Variants in FAM13C observed in about 807,000 individuals in gnomAD.
FAM13C encodes protein FAM13C.
FAM13C carries 37 observed loss-of-function variants against 73.2 expected under a neutral mutation model. That is an observed-to-expected ratio of 0.51 (90% confidence interval 0.39 to 0.67). The LOEUF (loss-of-function observed/expected upper bound fraction) is 0.67. Among genes scored for constraint, FAM13C ranks in the 30% least tolerant of loss-of-function variants. The pLI, the probability that FAM13C is intolerant of heterozygous loss-of-function variation, is 0.00. For missense variants in FAM13C, 589 were observed against 715.6 expected (o/e 0.82, Z 2.02); for synonymous variants, 246 against 260.9 (o/e 0.94, Z 0.55).
chr10:59,257,419 C>T (rs889599504), intron 10 of FAM13C, among the ~76,000 whole-genome samples: 1 of 152,194 alleles, frequency 6.6e-6, no homozygotes, highest in Non-Finnish European at 1.5e-5. Flanking sequence ...ACCTTGTTTT[C>T]CTTTCCCGCA....
chr10:59,361,102 C>T, intron 1 of FAM13C: 1 of 1,289,274 alleles, frequency 7.8e-7, no homozygotes, highest in Non-Finnish European at 1.0e-6. Flanking sequence ...CTCTCCCCTT[C>T]TCTCAGGCCT....
intron 6 of FAM13C, among the ~76,000 whole-genome samples, chr10:59,278,208 C>T (rs1479079984): frequency 2.0e-5 from 3 of 152,136 alleles, no homozygotes; most frequent in Non-Finnish European, 2.9e-5. Context: ...CCACCAGGTC[C>T]CTCCCACAAC....
At chr10:59,282,196 T>C (rs1428576137) in intron 6 of FAM13C, 1 of 152,188 alleles carries the variant, frequency 6.6e-6, no homozygotes, top group Admixed American at 6.5e-5. Flanking sequence ...TGAAGAATGG[T>C]AGTACTTCAC....
Position 59,267,093 on chromosome 10 carries a change from T to C in FAM13C, c.942+1460A>G, listed in dbSNP as rs545993973. ...AAATCACAGAGTTCTTAAGTAGCCG[T>C]GCTGGATTCAAATCCAAAATAGTCT... On this transcript the variant is annotated intron_variant, in intron 8 of 13. Coordinates refer to ENST00000618804, the MANE Select transcript of FAM13C (RefSeq NM_198215.4). Among the ~76,000 whole-genome samples, 42 of 152,284 alleles carry C rather than the reference T, an allele frequency of 2.8e-4. No individual in the cohort carries two copies. In the South Asian group the frequency reaches 8.5e-3, roughly 31 times the overall value.
intron 5 of FAM13C, among the ~76,000 whole-genome samples, chr10:59,287,380 T>C (rs1231148488): frequency 6.8e-6 from 1 of 146,802 alleles, no homozygotes; most frequent in Non-Finnish European, 1.5e-5. Context: ...AAATGGTAAA[T>C]TTTAGGTTAG....
chr10:59,318,850 A>G (rs111733958), intron 4 of FAM13C, among the ~76,000 whole-genome samples: 4,253 of 152,196 alleles, frequency 0.028, 195 homozygotes, highest in African/African-American at 0.098. Context: ...TAAAAGAAAC[A>G]AAACAAAACC....
At chr10:59,296,818 G>A (rs1846975007) in intron 5 of FAM13C, 1 of 152,186 alleles carries the variant, frequency 6.6e-6, no homozygotes, top group African/African-American at 2.4e-5. Context: ...GAGTGATGAG[G>A]ACACACACAA....
chr10:59,305,621 G>A (rs971115510), intron 4 of FAM13C, among the ~76,000 whole-genome samples: 1 of 147,668 alleles, frequency 6.8e-6, no homozygotes, highest in Non-Finnish European at 1.5e-5. Context: ...ATATTCTTAA[G>A]AATACAATTT....
At chr10:59,289,815 C>T (rs1203724400) in intron 5 of FAM13C, among the ~76,000 whole-genome samples, 2 of 152,072 alleles carry the variant, frequency 1.3e-5, no homozygotes, top group Non-Finnish European at 2.9e-5. Flanking sequence ...CTAGTAAACC[C>T]CTACAGTCCT....
intron 4 of FAM13C, among the ~76,000 whole-genome samples, chr10:59,304,894 T>C (rs1287665997): frequency 6.7e-6 from 1 of 148,448 alleles, no homozygotes; most frequent in Non-Finnish European, 1.5e-5. Flanking sequence ...AGAGAACAGC[T>C]TGTTGAAAAG....
At chr10:59,357,952 G>T (rs897667262) in intron 1 of FAM13C, among the ~76,000 whole-genome samples, 8 of 152,168 alleles carry the variant, frequency 5.3e-5, no homozygotes, top group East Asian at 1.9e-4. Context: ...TGGCAATGGT[G>T]TATAATTAAC....
intron 3 of FAM13C, among the ~76,000 whole-genome samples, chr10:59,345,159 G>A (rs1288441689): frequency 6.6e-6 from 1 of 152,174 alleles, no homozygotes; most frequent in Non-Finnish European, 1.5e-5. Context: ...CAAGCAGCAT[G>A]TAAGCAGAGA....
At chr10:59,326,721 A>T (rs925824158) in intron 3 of FAM13C, among the ~76,000 whole-genome samples, 1 of 152,178 alleles carries the variant, frequency 6.6e-6, no homozygotes, top group East Asian at 1.9e-4. Context: ...CAAAGCTCAC[A>T]TGGGAATCAA....
intron 5 of FAM13C, among the ~76,000 whole-genome samples, chr10:59,287,106 G>A (rs979456527): frequency 2.4e-4 from 37 of 151,116 alleles, no homozygotes; most frequent in African/African-American, 7.8e-4. Context: ...GGAGGCAGAG[G>A]TGGGAGGATC....
chr10:59,295,758 TA>T (rs1014665928), intron 5 of FAM13C, among the ~76,000 whole-genome samples: 2 of 152,104 alleles, frequency 1.3e-5, no homozygotes, highest in African/African-American at 4.8e-5. Flanking sequence ...AATTTGTCCC[TA>T]AAAAGGGGCT....
chr10:59,344,012 A>T (rs1353791123), intron 3 of FAM13C, among the ~76,000 whole-genome samples: 36 of 141,320 alleles, frequency 2.5e-4, no homozygotes, highest in African/African-American at 8.6e-4. Context: ...CCCAGGCTGG[A>T]GTGCAGTGGC....
chr10:59,257,932 T>G (rs181694535), intron 10 of FAM13C, among the ~76,000 whole-genome samples: 2 of 152,318 alleles, frequency 1.3e-5, no homozygotes, highest in African/African-American at 2.4e-5. Flanking sequence ...TTACATTTTA[T>G]AAGTAAATGT....
At chr10:59,272,800 T>C (rs1484486669) in intron 6 of FAM13C, among the ~76,000 whole-genome samples, 1 of 152,144 alleles carries the variant, frequency 6.6e-6, no homozygotes, top group East Asian at 1.9e-4. Flanking sequence ...GTCAATACAG[T>C]AGTCACCACT....
intron 5 of FAM13C, among the ~76,000 whole-genome samples, chr10:59,288,678 A>G (rs954123546): frequency 1.3e-5 from 2 of 152,190 alleles, no homozygotes; most frequent in African/African-American, 4.8e-5. Context: ...GGCAAATGGA[A>G]TAGGAGACAA....
Sources: allele counts gnomAD v4.1 joint callset (sites outside exome capture counted in the v4.1 genomes callset), GRCh38; gene constraint gnomAD v4.1.1; transcripts MANE v1.5; gene names NCBI Gene and HGNC (gene_info 2026-07-23, HGNC 2026-07-21).